The following MNAT1 variants were observed in gnomAD, a reference collection of about 807,000 sequenced individuals.
MNAT1 encodes MNAT1 component of CDK activating kinase.
In MNAT1, 43 loss-of-function variants were observed where a neutral mutation model predicts 42.0. The observed-to-expected ratio is 1.02, with a 90% CI of 0.80 to 1.32. The LOEUF (loss-of-function observed/expected upper bound fraction) is 1.32. Ranked by LOEUF, MNAT1 falls within the 40% of genes most tolerant of loss-of-function variation. The pLI is 0.00. For synonymous variants in MNAT1, 118 were observed against 120.0 expected, an observed-to-expected ratio of 0.98 and a Z score of 0.11; for missense variants, 306 against 350.4, an observed-to-expected ratio of 0.87 and a Z score of 1.01.
intron 1 of MNAT1, among the ~76,000 whole-genome samples, chr14:60,767,175 A>C (rs1484579839): frequency 6.6e-6 from 1 of 152,220 alleles, no homozygotes; most frequent in Non-Finnish European, 1.5e-5. Flanking sequence ...ATGCAATATA[A>C]ACCTAAACTA....
At chr14:60,735,897 G>A (rs1165813732) in intron 1 of MNAT1, among the ~76,000 whole-genome samples, 1 of 152,174 alleles carries the variant, frequency 6.6e-6, no homozygotes, top group Non-Finnish European at 1.5e-5. Context: ...CAGGTTTATT[G>A]GAGGCAAAAA....
intron 1 of MNAT1, among the ~76,000 whole-genome samples, chr14:60,767,902 T>G (rs529106076): frequency 6.6e-6 from 1 of 152,292 alleles, no homozygotes; most frequent in African/African-American, 2.4e-5. Flanking sequence ...TAGCTGGGAC[T>G]ATAGGCACAC....
At chr14:60,837,650 G>A (rs2033430731) in intron 6 of MNAT1, among the ~76,000 whole-genome samples, 1 of 152,206 alleles carries the variant, frequency 6.6e-6, no homozygotes, top group South Asian at 2.1e-4. Context: ...CTGCAGACAG[G>A]AGCTGTTCCT....
chr14:60,942,977 G>A (rs575675809), intron 7 of MNAT1, among the ~76,000 whole-genome samples: 1 of 137,518 alleles, frequency 7.3e-6, no homozygotes, highest in East Asian at 2.3e-4. Context: ...CCACAAGTTT[G>A]TATTAATTGA....
chr14:60,758,513 A>G (rs188637843), intron 1 of MNAT1, among the ~76,000 whole-genome samples: 2 of 151,872 alleles, frequency 1.3e-5, no homozygotes, highest in Non-Finnish European at 2.9e-5. Flanking sequence ...CACTTGGACT[A>G]TTTCAACTGT....
rs2032797872 is a variant in MNAT1, at chr14:60,818,896, A to G, written c.687+49A>G. 3.2e-6 allele frequency: 5 copies of G among 1,581,588 alleles called. No individual in the cohort carries two copies. In the Admixed American group the frequency reaches 7.3e-5, roughly 23 times the overall value. On this transcript the variant is annotated intron_variant, in intron 6 of 7. Transcript: ENST00000261245. ...TTTGAAAGATATTTTTTCAAGGATTATGCTTTATAATTTTACACGATTTCT... is the reference window on the plus strand; with the variant it reads ...TTTGAAAGATATTTTTTCAAGGATTGTGCTTTATAATTTTACACGATTTCT...
At chr14:60,808,225 A>T (rs1425794340) in intron 3 of MNAT1, 100 bp from the exon 4 acceptor site, 5 of 669,600 alleles carry the variant, frequency 7.5e-6, no homozygotes, top group Non-Finnish European at 1.2e-5. Flanking sequence ...ATAAAGAATG[A>T]CAACCTAACA....
chr14:60,736,870 CTATTT>C (rs1313014703), intron 1 of MNAT1, among the ~76,000 whole-genome samples: 1 of 151,952 alleles, frequency 6.6e-6, no homozygotes, highest in African/African-American at 2.4e-5. Flanking sequence ...TATATATTGG[CTATTT>C]TATTATTATT....
chr14:60,766,499 G>A (rs187747420), intron 1 of MNAT1, among the ~76,000 whole-genome samples: 163 of 152,148 alleles, frequency 1.1e-3, no homozygotes, highest in African/African-American at 3.5e-3. Context: ...GGATCATGAC[G>A]TCAGGAGATC....
At chr14:60,837,497 C>G (rs1419577863) in intron 6 of MNAT1, among the ~76,000 whole-genome samples, 1 of 152,192 alleles carries the variant, frequency 6.6e-6, no homozygotes, top group Non-Finnish European at 1.5e-5. Context: ...CCATGCGCTT[C>G]CTGGGTGAGG....
chr14:60,739,388 A>AT (rs796592517), intron 1 of MNAT1, among the ~76,000 whole-genome samples: 383 of 144,460 alleles, frequency 2.7e-3, no homozygotes, highest in Middle Eastern at 0.011. Flanking sequence ...TTATTAACTT[A>AT]TTTTTTTTTT....
intron 7 of MNAT1, among the ~76,000 whole-genome samples, chr14:60,928,379 AG>A (rs2035808414): frequency 6.6e-6 from 1 of 152,214 alleles, no homozygotes. Flanking sequence ...ATATATACTT[AG>A]GAATGAATGC....
chr14:60,942,003 C>CAAA (rs3080602), intron 7 of MNAT1, among the ~76,000 whole-genome samples: 1,144 of 29,916 alleles, frequency 0.038, 328 homozygotes, highest in Admixed American at 0.052. Context: ...GGCTCCATCT[C>CAAA]AAAAAAAAAA....
intron 1 of MNAT1, among the ~76,000 whole-genome samples, chr14:60,777,141 T>A (rs2031283391): frequency 6.6e-6 from 1 of 152,152 alleles, no homozygotes; most frequent in Non-Finnish European, 1.5e-5. Flanking sequence ...TGAGCCACCA[T>A]GCCCAGCCTT....
intron 1 of MNAT1, among the ~76,000 whole-genome samples, chr14:60,746,965 CACACACACA>C (rs1896650665): frequency 2.2e-5 from 1 of 44,870 alleles, no homozygotes; most frequent in Non-Finnish European, 6.3e-5. Flanking sequence ...CACACACACA[CACACACACA>C]CACAAAATTA....
At position 60,734,768 on chromosome 14, in the gene MNAT1, T is replaced by A; in HGVS notation, c.-95T>A. The stretch of plus-strand genomic sequence containing the variant: ...GAAGGGACCGTCTCTGCCAAGCGCC[T>A]GTTGGTAGGAACCTGCTTGGTCGCG... On this transcript the variant is annotated 5_prime_UTR_variant, in exon 1 of 8. Transcript: ENST00000261245. This position sits in a 1 kb window ranked among gnomAD's most constrained non-coding sequence, Gnocchi z 4.3. 8.9e-7 allele frequency: 1 copy of A among 1,121,416 alleles called. No individual in the cohort carries two copies. The highest frequency in any genetic ancestry group is 1.3e-5 in the South Asian group (1 of 76,846). The allele number at this position is 1,121,416 out of a possible 1,614,324, so 69.5% of individuals were successfully genotyped here. A position where few individuals can be genotyped will look rare whatever the true frequency, so the allele number is the denominator to read the frequency against.
chr14:60,889,139 T>C (rs145682239), intron 7 of MNAT1, among the ~76,000 whole-genome samples: 1 of 152,230 alleles, frequency 6.6e-6, no homozygotes, highest in Non-Finnish European at 1.5e-5. Flanking sequence ...CCCGCATCGC[T>C]GAGTCAATTG....
At chr14:60,866,908 TAAG>T (rs1300818049) in intron 6 of MNAT1, among the ~76,000 whole-genome samples, 1 of 152,092 alleles carries the variant, frequency 6.6e-6, no homozygotes, top group Admixed American at 6.6e-5. Flanking sequence ...ATTGATATAA[TAAG>T]AATTCTAAAA....
At chr14:60,827,047 C>G (rs2033076834) in intron 6 of MNAT1, among the ~76,000 whole-genome samples, 1 of 151,944 alleles carries the variant, frequency 6.6e-6, no homozygotes, top group African/African-American at 2.4e-5. Flanking sequence ...TGCTTGTTTG[C>G]AAACTGAAAA....
Sources: allele counts gnomAD v4.1 joint callset (sites outside exome capture counted in the v4.1 genomes callset), GRCh38; gene constraint gnomAD v4.1.1; non-coding constraint Gnocchi (gnomAD v3.1); transcripts MANE v1.5; gene names NCBI Gene and HGNC (gene_info 2026-07-23, HGNC 2026-07-21).